Variants in B3GALT5 observed in about 807,000 individuals in gnomAD.
The protein encoded by B3GALT5 is beta-1,3-galactosyltransferase 5.
For missense variants in B3GALT5, 328 were observed against 396.6 expected (o/e 0.83, Z 1.47); for synonymous variants, 156 against 158.6 (o/e 0.98, Z 0.12).
rs1206671886 is a variant in B3GALT5 at position 39,665,817 on chromosome 21, C to T, written c.*4325C>T. On this transcript the variant is annotated 3_prime_UTR_variant, in exon 4 of 4. Transcript: ENST00000684187. The stretch of plus-strand genomic sequence containing the variant: ...TTGCACTTACCAATTTCTAACAAAG[C>T]ATGTAATATCTGTTTATTATAACAT... 1 of 152,242 alleles carries T rather than the reference C, an allele frequency of 6.6e-6. No individual in the cohort carries two copies. Among genetic ancestry groups the T allele is most frequent in the African/African-American group, 2.4e-5 (1 of 41,456 alleles). The allele number at this position is 152,242 out of a possible 1,614,324, so 9.4% of individuals were successfully genotyped here. A position where few individuals can be genotyped will look rare whatever the true frequency, so the allele number is the denominator to read the frequency against.
rs2079559478 is a variant in B3GALT5 at position 39,664,357 on chromosome 21, G to A, written c.*2865G>A. The A allele has an allele frequency of 6.6e-6, 1 of 152,438 alleles. No homozygotes were observed. Among genetic ancestry groups the A allele is most frequent in the Admixed American group, 6.5e-5 (1 of 15,270 alleles). 9.4% of individuals were successfully genotyped at this position (152,438 alleles called of 1,614,324 possible). A position where few individuals can be genotyped will look rare whatever the true frequency, so the allele number is the denominator to read the frequency against. ...GCCTTCTACTGTGACTGTGGCAGAA[G>A]CCACTTGGCCCCCGTGGTGCCAGAA... On this transcript the variant is annotated 3_prime_UTR_variant, in exon 4 of 4. Coordinates refer to ENST00000684187, the MANE Select transcript of B3GALT5 (RefSeq NM_001356336.2).
At chr21:39,655,240 C>T (rs2079431414) in intron 2 of B3GALT5, among the ~76,000 whole-genome samples, 1 of 152,224 alleles carries the variant, frequency 6.6e-6, no homozygotes, top group Non-Finnish European at 1.5e-5. Context: ...GACTGAAGGC[C>T]CAGCTCCAGG....
chr21:39,647,392 G>C (rs1163435894), intron 2 of B3GALT5, among the ~76,000 whole-genome samples: 1 of 152,160 alleles, frequency 6.6e-6, no homozygotes, highest in Non-Finnish European at 1.5e-5. Flanking sequence ...CAGCAGGCCA[G>C]TTTCTAGAAT....
intron 1 of B3GALT5, among the ~76,000 whole-genome samples, chr21:39,630,846 C>T (rs2079188301): frequency 6.6e-6 from 1 of 152,102 alleles, no homozygotes; most frequent in South Asian, 2.1e-4. Context: ...GGCCTTTCAT[C>T]CCATCATTTC....
At chr21:39,639,400 TTTTC>T (rs71330377) in intron 1 of B3GALT5, among the ~76,000 whole-genome samples, 1,606 of 57,058 alleles carry the variant, frequency 0.028, 66 homozygotes, top group East Asian at 0.062. Flanking sequence ...CCTTCTTTCT[TTTTC>T]TTTCTTTCTT....
chr21:39,613,605 G>C (rs563649467), intron 1 of B3GALT5, among the ~76,000 whole-genome samples: 1 of 152,342 alleles, frequency 6.6e-6, no homozygotes, highest in African/African-American at 2.4e-5. Context: ...GCTAAATACA[G>C]TGAGGTACCT....
At chr21:39,614,848 T>C (rs2079099450) in intron 1 of B3GALT5, among the ~76,000 whole-genome samples, 1 of 152,218 alleles carries the variant, frequency 6.6e-6, no homozygotes, top group African/African-American at 2.4e-5. Flanking sequence ...AGATTTCTGC[T>C]TGGTTTTCTG....
chr21:39,633,471 G>A (rs2079205498), intron 1 of B3GALT5, among the ~76,000 whole-genome samples: 1 of 152,156 alleles, frequency 6.6e-6, no homozygotes, highest in Non-Finnish European at 1.5e-5. Context: ...TTTGTAACCG[G>A]CACAATACTT....
intron 1 of B3GALT5, among the ~76,000 whole-genome samples, chr21:39,616,195 G>T (rs960749749): frequency 6.6e-5 from 10 of 152,110 alleles, no homozygotes; most frequent in African/African-American, 2.4e-4. Flanking sequence ...AAATGAAAGA[G>T]CTCTGATTTT....
intron 2 of B3GALT5, among the ~76,000 whole-genome samples, chr21:39,648,893 G>A (rs1025036176): frequency 1.3e-5 from 2 of 152,160 alleles, no homozygotes; most frequent in Non-Finnish European, 2.9e-5. Context: ...ACAGGAAGCC[G>A]ACCATCTGCA....
chr21:39,634,415 C>G (rs548623834), intron 1 of B3GALT5, among the ~76,000 whole-genome samples: 1 of 152,312 alleles, frequency 6.6e-6, no homozygotes, highest in South Asian at 2.1e-4. Flanking sequence ...GGGAAAATCA[C>G]TGTCTGCCAC....
chr21:39,639,410 T>TTC (rs1360368737), intron 1 of B3GALT5, among the ~76,000 whole-genome samples: 48 of 94,632 alleles, frequency 5.1e-4, no homozygotes, highest in South Asian at 2.1e-3. Flanking sequence ...TTTTCTTTCT[T>TTC]TCTTTCTTTC....
At chr21:39,656,468 A>G (rs2079445589) in intron 2 of B3GALT5, among the ~76,000 whole-genome samples, 1 of 152,060 alleles carries the variant, frequency 6.6e-6, no homozygotes, top group African/African-American at 2.4e-5. Flanking sequence ...GGGGCTCAGA[A>G]TGCTCACCAG....
At chr21:39,653,491 T>C (rs542327230) in intron 2 of B3GALT5, among the ~76,000 whole-genome samples, 1 of 152,348 alleles carries the variant, frequency 6.6e-6, no homozygotes, top group African/African-American at 2.4e-5. Context: ...GAAACAGTTT[T>C]TCCTTCCTGG....
intron 1 of B3GALT5, among the ~76,000 whole-genome samples, chr21:39,626,224 A>G (rs2079163100): frequency 2.6e-5 from 4 of 152,210 alleles, no homozygotes; most frequent in Admixed American, 6.5e-5. Context: ...CATGTCTTCA[A>G]GGTTCATCCA....
intron 1 of B3GALT5, among the ~76,000 whole-genome samples, chr21:39,645,545 T>C (rs932168477): frequency 6.6e-6 from 1 of 152,190 alleles, no homozygotes; most frequent in Non-Finnish European, 1.5e-5. Context: ...GTTTGGTGTG[T>C]GTGGAGCCTC....
chr21:39,640,524 T>C (rs1329543330), intron 1 of B3GALT5, among the ~76,000 whole-genome samples: 1 of 152,192 alleles, frequency 6.6e-6, no homozygotes, highest in Non-Finnish European at 1.5e-5. Context: ...AGAGTACCTG[T>C]AAGGCAGTCA....
At chr21:39,645,378 A>G (rs562261167) in intron 1 of B3GALT5, among the ~76,000 whole-genome samples, 1 of 152,328 alleles carries the variant, frequency 6.6e-6, no homozygotes. Flanking sequence ...GGAGGGAGGC[A>G]GGAAATTCTC....
At chr21:39,657,087 T>C (rs2079452568) in intron 2 of B3GALT5, among the ~76,000 whole-genome samples, 2 of 152,224 alleles carry the variant, frequency 1.3e-5, no homozygotes, top group African/African-American at 4.8e-5. Context: ...ACTGTATTTA[T>C]CTCCTTCAGT....
Sources: allele counts gnomAD v4.1 joint callset (sites outside exome capture counted in the v4.1 genomes callset), GRCh38; gene constraint gnomAD v4.1.1; transcripts MANE v1.5; gene names NCBI Gene and HGNC (gene_info 2026-07-23, HGNC 2026-07-21).